Variants in ZDHHC16 observed in about 807,000 individuals in gnomAD.
The protein encoded by ZDHHC16 is zDHHC palmitoyltransferase 16, also known as palmitoyltransferase ZDHHC16.
A neutral mutation model predicts 54.4 loss-of-function variants in ZDHHC16; 33 were observed. That is an observed-to-expected ratio of 0.61 (90% CI 0.46 to 0.81). The LOEUF (loss-of-function observed/expected upper bound fraction) is 0.81. Ranked by LOEUF, ZDHHC16 falls within the 30% of genes least tolerant of loss-of-function variation. The pLI is 0.00. For missense variants in ZDHHC16, 420 were observed against 485.9 expected (o/e 0.86, Z 1.28); for synonymous variants, 185 against 182.1 (o/e 1.02, Z -0.13).
At chr10:97,454,140 G>C (rs1043334434) in intron 8 of ZDHHC16, among the ~76,000 whole-genome samples, 4 of 152,214 alleles carry the variant, frequency 2.6e-5, no homozygotes, top group Admixed American at 6.5e-5. Flanking sequence ...GTCTATGTTA[G>C]TCTGTGTAAT....
Position 97,446,287 on chromosome 10 carries a change from G to A in ZDHHC16, c.-252G>A, listed in dbSNP as rs1006459690. On this transcript the variant is annotated 5_prime_UTR_variant, in exon 1 of 12. It adds an upstream start codon to the 5' untranslated region. Transcript: ENST00000393760. ...CGGCCGGGGCGCCGAGTCGGAGGGGGTGGCAGTGAGCGGCGGCAGAGGCTA... is the reference window on the plus strand; with the variant it reads ...CGGCCGGGGCGCCGAGTCGGAGGGGATGGCAGTGAGCGGCGGCAGAGGCTA... The A allele has an allele frequency of 1.2e-5, 6 of 514,170 alleles. No homozygotes were observed. In the Admixed American group the frequency reaches 1.4e-4, roughly 12 times the overall value. The allele number at this position is 514,170 out of a possible 1,614,324, so 31.9% of individuals were successfully genotyped here. A position where few individuals can be genotyped will look rare whatever the true frequency, so the allele number is the denominator to read the frequency against.
chr10:97,452,128 T>C lies in ZDHHC16; in HGVS notation c.282T>C (p.Ile94=), dbSNP rs758343895. The C allele has an allele frequency of 8.7e-6, 14 of 1,613,918 alleles. No individual in the cohort carries two copies. The highest frequency in any genetic ancestry group is 4.5e-5 in the East Asian group (2 of 44,888). Residue 94 remains isoleucine, a synonymous_variant, in exon 4 of 12, where the codon ATT becomes ATC. Coordinates refer to ENST00000393760, the MANE Select transcript of ZDHHC16 (RefSeq NM_198046.3). ...VVLVIVLTGS[I]VAIAYLCVLP... Reference sequence around the variant, plus strand: ...TGGTGATCGTGCTGACAGGCTCCATTGTAGCTATCGCCTACCTGTGTGTCC... The same window carrying C: ...TGGTGATCGTGCTGACAGGCTCCATCGTAGCTATCGCCTACCTGTGTGTCC...
intron 9 of ZDHHC16, 86 bp downstream of exon 9, chr10:97,454,885 T>C: frequency 1.8e-6 from 2 of 1,135,384 alleles, no homozygotes. Context: ...AACCCATTCC[T>C]AAGTGAACTG....
rs974054580 is a variant in ZDHHC16, at chr10:97,453,989, C to G, written c.738+143C>G. On this transcript the variant is annotated intron_variant, in intron 8 of 11. Coordinates refer to ENST00000393760, the MANE Select transcript of ZDHHC16 (RefSeq NM_198046.3). Reference sequence around the variant, plus strand: ...ACCAGATCAGGAGTGTTCAGGCAGGCTGGCTGTGGTGGGTAGACTAAGTGG... The same window carrying G: ...ACCAGATCAGGAGTGTTCAGGCAGGGTGGCTGTGGTGGGTAGACTAAGTGG... 40 of 1,150,400 alleles carry G rather than the reference C, an allele frequency of 3.5e-5. 1 individual carries two copies. Among genetic ancestry groups the G allele is most frequent in the Middle Eastern group, 5.9e-4 (2 of 3,380 alleles). 71.3% of individuals were successfully genotyped at this position (1,150,400 alleles called of 1,614,324 possible). A position where few individuals can be genotyped will look rare whatever the true frequency, so the allele number is the denominator to read the frequency against.
intron 2 of ZDHHC16, 30 bp from the exon 3 acceptor site, chr10:97,451,641 C>G (rs772404245): frequency 1.3e-6 from 2 of 1,588,510 alleles, no homozygotes; most frequent in South Asian, 2.3e-5. Context: ...AGGGCTCAGA[C>G]TAGATCCTCA....
In ZDHHC16 at chr10:97,457,103, T is replaced by G; in HGVS notation, c.*212T>G. 2.9e-6 allele frequency: 1 copy of G among 342,946 alleles called. No individual in the cohort carries two copies. The allele number at this position is 342,946 out of a possible 1,614,324, so 21.2% of individuals were successfully genotyped here. On this transcript the variant is annotated 3_prime_UTR_variant, in exon 12 of 12. Coordinates refer to ENST00000393760, the MANE Select transcript of ZDHHC16 (RefSeq NM_198046.3). ...AATCTTAGGACTGACATCCCTTTAC[T>G]CAGGCAAACAGAAGTTCCAACCCCA...
At chr10:97,449,964 C>T (rs1438675282) in intron 1 of ZDHHC16, among the ~76,000 whole-genome samples, 4 of 147,370 alleles carry the variant, frequency 2.7e-5, no homozygotes, top group South Asian at 2.2e-4. Context: ...CTCCGCTTCC[C>T]GGGTTCACGC....
chr10:97,453,743 A>T (rs1846882364), intron 7 of ZDHHC16, 56 bp from the exon 8 acceptor site: 1 of 1,614,164 alleles, frequency 6.2e-7, no homozygotes, highest in East Asian at 2.2e-5. Context: ...TGGGGCTGGT[A>T]GCACCCCATC....
Position 97,452,769 on chromosome 10 carries a change from C to T in ZDHHC16, c.528-126C>T. The stretch of plus-strand genomic sequence containing the variant: ...CTGCAGAGCTGGGTTTGAAGCAAGG[C>T]CTGGCTGTCTTCAAAGTCTGTGCCC... On this transcript the variant is annotated intron_variant, in intron 5 of 11. Transcript: ENST00000393760. 3.0e-6 allele frequency: 4 copies of T among 1,312,856 alleles called. No individual in the cohort carries two copies. The South Asian group carries it at 4.9e-5, about 16-fold the overall frequency. The allele number at this position is 1,312,856 out of a possible 1,614,324, so 81.3% of individuals were successfully genotyped here. A position where few individuals can be genotyped will look rare whatever the true frequency, so the allele number is the denominator to read the frequency against.
chr10:97,449,368 G>A (rs955448845), intron 1 of ZDHHC16, among the ~76,000 whole-genome samples: 3 of 152,096 alleles, frequency 2.0e-5, no homozygotes, highest in African/African-American at 7.2e-5. Flanking sequence ...TATAGAAAGG[G>A]AATGAACAGC....
Position 97,452,489 on chromosome 10 carries a change from C to T in ZDHHC16, c.513C>T (p.Cys171=), listed in dbSNP as rs1846738308. ...CCAAGCCAGCCCGAACACACCACTG[C>T]AGCATCTGCAACAGGTGGGTCTTGG... ...IYPKPARTHH[C]SICNRCVLKM... is the part of the protein sequence containing the mutation. Residue 171 remains cysteine (C), a synonymous_variant, in exon 5 of 12, where the codon TGC becomes TGT. Coordinates refer to ENST00000393760, the MANE Select transcript of ZDHHC16 (RefSeq NM_198046.3). The T allele has an allele frequency of 6.2e-7, 1 of 1,614,180 alleles. No homozygotes were observed. The highest frequency in any genetic ancestry group is 8.5e-7 in the Non-Finnish European group (1 of 1,179,988).
chr10:97,446,189 G>C lies in ZDHHC16; in HGVS notation c.-350G>C. On this transcript the variant is annotated 5_prime_UTR_variant, in exon 1 of 12. Transcript: ENST00000393760. ...CGCCTGCGCGTGTGGTTGAGGATGG[G>C]CTGGCGGCGGGTCCGGGTCCGCTGC... The C allele has an allele frequency of 1.4e-6, 1 of 736,094 alleles. No individual in the cohort carries two copies. Among genetic ancestry groups the C allele is most frequent in the Non-Finnish European group, 2.2e-6 (1 of 449,386 alleles). The allele number at this position is 736,094 out of a possible 1,614,324, so 45.6% of individuals were successfully genotyped here.
rs775939847 is a variant in ZDHHC16, at chr10:97,452,169, G to A, written c.323G>A (p.Arg108Gln). 14 of 1,613,904 alleles carry A rather than the reference G, an allele frequency of 8.7e-6. No homozygotes were observed. The highest frequency in any genetic ancestry group is 8.3e-5 in the Admixed American group (5 of 59,980). ...CTGTGTGTCCTGCCTCTCATCCTCC[G>A]AACCTACTCAGTGCCACGACTCTGC... Reference protein sequence around the residue: ...AYLCVLPLILRTYSVPRLCWH... With the variant: ...AYLCVLPLILQTYSVPRLCWH... The change falls in exon 4 of 12, where the codon CGA (arginine) becomes CAA (glutamine). Residue 108 changes from arginine to glutamine, a missense_variant. Physicochemically the swap from Arg to Gln is conservative, Grantham distance 43. Coordinates refer to ENST00000393760, the MANE Select transcript of ZDHHC16 (RefSeq NM_198046.3).
At chr10:97,455,400 C>T (rs1192061524) in intron 9 of ZDHHC16, among the ~76,000 whole-genome samples, 3 of 152,230 alleles carry the variant, frequency 2.0e-5, no homozygotes, top group Non-Finnish European at 2.9e-5. Flanking sequence ...CTATCTCAGT[C>T]TCCTGAGTTG....
chr10:97,452,098 G>A lies in ZDHHC16; in HGVS notation c.252G>A (p.Val84=), dbSNP rs1464425815. 2 of 1,613,816 alleles carry A rather than the reference G, an allele frequency of 1.2e-6. No homozygotes were observed. Among genetic ancestry groups the A allele is most frequent in the South Asian group, 2.2e-5 (2 of 91,092 alleles). Residue 84 remains valine (V), a synonymous_variant, in exon 4 of 12, where the codon GTG becomes GTA. Coordinates refer to ENST00000393760, the MANE Select transcript of ZDHHC16 (RefSeq NM_198046.3). ...CTTGCTGGTGTTGGCAGGTGTTCGTGGTCCTGGTGATCGTGCTGACAGGCT... is the reference window on the plus strand; with the variant it reads ...CTTGCTGGTGTTGGCAGGTGTTCGTAGTCCTGGTGATCGTGCTGACAGGCT... ...NVIRWFGVVF[V]VLVIVLTGSI...
chr10:97,452,651 A>G, intron 5 of ZDHHC16, 148 bp downstream of exon 5: 3 of 1,015,444 alleles, frequency 3.0e-6, no homozygotes, highest in Admixed American at 5.1e-5. Context: ...CCTCATCCTT[A>G]GGATGGTCCT....
chr10:97,454,453 G>A (rs1376414692), intron 8 of ZDHHC16, among the ~76,000 whole-genome samples: 3 of 152,174 alleles, frequency 2.0e-5, no homozygotes, highest in African/African-American at 7.2e-5. Context: ...AGCCCCATTT[G>A]TGTTGTCACT....
chr10:97,452,971 G>A lies in ZDHHC16; in HGVS notation c.556+48G>A, dbSNP rs758575733. ...GCCTGAGGCCTTCTTTAGCTCCAGAGCACTGTACAGGGTTAATGGCCACCA... is the reference window on the plus strand; with the variant it reads ...GCCTGAGGCCTTCTTTAGCTCCAGAACACTGTACAGGGTTAATGGCCACCA... On this transcript the variant is annotated intron_variant, in intron 6 of 11. Transcript: ENST00000393760. The A allele has an allele frequency of 3.1e-6, 5 of 1,613,420 alleles. No homozygotes were observed. The Admixed American group carries it at 6.7e-5, about 22-fold the overall frequency.
At chr10:97,454,567 C>T (rs898845286) in intron 8 of ZDHHC16, 147 bp from the exon 9 acceptor site, 1 of 704,254 alleles carries the variant, frequency 1.4e-6, no homozygotes, top group Admixed American at 2.4e-5. Flanking sequence ...GCTTGGTCCA[C>T]CCATCTTGGC....
Sources: allele counts gnomAD v4.1 joint callset (sites outside exome capture counted in the v4.1 genomes callset), GRCh38; gene constraint gnomAD v4.1.1; transcripts MANE v1.5; gene names NCBI Gene and HGNC (gene_info 2026-07-23, HGNC 2026-07-21).